Variants in GALNT13 observed in about 807,000 individuals in gnomAD.
GALNT13 encodes UDP-GalNAc:polypeptide N-acetylgalactosaminyltransferase 13.
GALNT13 carries 28 observed loss-of-function variants against 64.2 expected under a neutral mutation model. The observed-to-expected ratio is 0.44, with a 90% CI of 0.32 to 0.60. The LOEUF (loss-of-function observed/expected upper bound fraction) is 0.60. Among genes scored for constraint, GALNT13 ranks in the 20% least tolerant of loss-of-function variants. The pLI is 0.05. For missense variants in GALNT13, 577 were observed against 669.8 expected (o/e 0.86, Z 1.53); for synonymous variants, 214 against 224.6 (o/e 0.95, Z 0.42).
At chr2:154,335,488 C>T (rs1695393241) in intron 9 of GALNT13, among the ~76,000 whole-genome samples, 1 of 151,886 alleles carries the variant, frequency 6.6e-6, no homozygotes, top group African/African-American at 2.4e-5. Flanking sequence ...AAATAAAATC[C>T]ACTTTTCTCT....
chr2:154,272,833 T>C lies in GALNT13; in HGVS notation c.975+13695T>C, dbSNP rs536297817. Among the ~76,000 whole-genome samples, 49 of 152,274 alleles carry C rather than the reference T, an allele frequency of 3.2e-4. No individual in the cohort carries two copies. The South Asian group carries it at 9.9e-3, about 31-fold the overall frequency. On this transcript the variant is annotated intron_variant, in intron 8 of 12. Transcript: ENST00000392825. ...GTGAATTGACTTTTAGCTATTTATT[T>C]TACAAATTAGGGTTTCATTTTTCTT...
intron 11 of GALNT13, among the ~76,000 whole-genome samples, chr2:154,426,915 T>C (rs948240632): frequency 1.1e-4 from 16 of 152,326 alleles, no homozygotes; most frequent in African/African-American, 3.8e-4. Flanking sequence ...TGTTGGACAC[T>C]ACTCTCCTAC....
the GALNT13 span, among the ~76,000 whole-genome samples, chr2:153,772,765 C>G: frequency 9.2e-5 from 14 of 152,314 alleles, no homozygotes; most frequent in African/African-American, 2.9e-4. Context: ...AGCCACTCCT[C>G]TGGCTTTTAT....
chr2:153,212,280 A>G, the GALNT13 span, among the ~76,000 whole-genome samples: 10 of 152,234 alleles, frequency 6.6e-5, no homozygotes, highest in Non-Finnish European at 1.5e-4. Flanking sequence ...GATGAACAAT[A>G]GTAAAATCCT....
intron 4 of GALNT13, among the ~76,000 whole-genome samples, chr2:154,147,883 CTT>C (rs1042576758): frequency 2.9e-5 from 4 of 139,866 alleles, no homozygotes; most frequent in Admixed American, 7.2e-5. Flanking sequence ...ATATTTCTTT[CTT>C]TTTTTTTTTG....
At chr2:153,712,163 C>T in the GALNT13 span, among the ~76,000 whole-genome samples, 1 of 152,144 alleles carries the variant, frequency 6.6e-6, no homozygotes, top group South Asian at 2.1e-4. Flanking sequence ...GAAACTTGTT[C>T]TTATACTTCC....
chr2:153,713,934 G>A, the GALNT13 span, among the ~76,000 whole-genome samples: 2 of 152,236 alleles, frequency 1.3e-5, no homozygotes, highest in Non-Finnish European at 2.9e-5. Context: ...ATATCCTGGA[G>A]AGCAACATCC....
At chr2:154,394,509 A>G (rs1698967013) in intron 9 of GALNT13, among the ~76,000 whole-genome samples, 1 of 152,172 alleles carries the variant, frequency 6.6e-6, no homozygotes, top group Non-Finnish European at 1.5e-5. Flanking sequence ...AAAATTGACT[A>G]TTGAATTAAG....
chr2:153,351,313 T>G, the GALNT13 span, among the ~76,000 whole-genome samples: 13 of 152,198 alleles, frequency 8.5e-5, no homozygotes, highest in African/African-American at 3.1e-4. Flanking sequence ...TAGGCTATTT[T>G]CTAGAGCAGC....
At chr2:154,074,722 C>T (rs138066181) in intron 3 of GALNT13, among the ~76,000 whole-genome samples, 1 of 152,068 alleles carries the variant, frequency 6.6e-6, no homozygotes, top group East Asian at 1.9e-4. Flanking sequence ...AGCAGCACAT[C>T]TAAAAGCTAA....
the GALNT13 span, among the ~76,000 whole-genome samples, chr2:153,845,377 AC>A: frequency 6.6e-6 from 1 of 152,190 alleles, no homozygotes; most frequent in Non-Finnish European, 1.5e-5. Flanking sequence ...CAGGCACATC[AC>A]ATGGTAAAAG....
At chr2:154,323,600 A>G (rs990370484) in intron 9 of GALNT13, among the ~76,000 whole-genome samples, 2 of 152,010 alleles carry the variant, frequency 1.3e-5, no homozygotes, top group African/African-American at 4.8e-5. Context: ...TTATCATACA[A>G]CTTTACGTGG....
intron 8 of GALNT13, among the ~76,000 whole-genome samples, chr2:154,279,483 A>G (rs1055850770): frequency 2.0e-5 from 3 of 152,192 alleles, no homozygotes; most frequent in African/African-American, 7.2e-5. Context: ...GATAGAATTT[A>G]TATGGAGCTT....
the GALNT13 span, among the ~76,000 whole-genome samples, chr2:153,371,334 T>C: frequency 6.6e-6 from 1 of 152,092 alleles, no homozygotes; most frequent in African/African-American, 2.4e-5. Flanking sequence ...AAATCCAATA[T>C]AATAAGTTAG....
At chr2:154,409,326 T>C (rs746391335) in intron 11 of GALNT13, 7 of 464,112 alleles carry the variant, frequency 1.5e-5, no homozygotes, top group Non-Finnish European at 2.3e-5. Flanking sequence ...CCAAATATTT[T>C]AGACACATCT....
the GALNT13 span, among the ~76,000 whole-genome samples, chr2:153,425,353 T>C: frequency 2.6e-3 from 392 of 151,838 alleles, 1 homozygote; most frequent in African/African-American, 8.7e-3. Context: ...ATACATGAAA[T>C]ATTGTGACTG....
At chr2:153,241,079 C>A in the GALNT13 span, among the ~76,000 whole-genome samples, 1 of 152,138 alleles carries the variant, frequency 6.6e-6, no homozygotes, top group Non-Finnish European at 1.5e-5. Flanking sequence ...GGCCTTCTGT[C>A]CGTCTTGTCT....
chr2:153,177,279 T>C, the GALNT13 span, among the ~76,000 whole-genome samples: 1 of 152,082 alleles, frequency 6.6e-6, no homozygotes. Flanking sequence ...CTATTGTACT[T>C]CTGACAATAA....
intron 3 of GALNT13, among the ~76,000 whole-genome samples, chr2:154,111,577 C>T (rs1211815081): frequency 6.6e-6 from 1 of 152,068 alleles, no homozygotes; most frequent in Non-Finnish European, 1.5e-5. Context: ...GAACTAAGAC[C>T]TCTAGGCCAG....
Sources: gnomAD v4.1 joint callset for allele counts (sites outside exome capture counted in the v4.1 genomes callset) on GRCh38, gnomAD v4.1.1 for gene constraint, MANE v1.5 for transcripts, NCBI Gene and HGNC (gene_info 2026-07-23, HGNC 2026-07-21) for gene names.